DSCAML1: variants seen among roughly 807,000 people sequenced by gnomAD.
The protein encoded by DSCAML1 is DS cell adhesion molecule like 1, also known as cell adhesion molecule DSCAML1.
Under a neutral mutation model 200.5 loss-of-function variants are expected in DSCAML1, and 38 were observed. The ratio of observed to expected loss-of-function variants is 0.19; its 90% confidence interval spans 0.15 to 0.25. The LOEUF is 0.25. DSCAML1 is among the 10% of genes least tolerant of loss of function. The pLI is 1.00. For missense variants in DSCAML1, 2,223 were observed against 2,858.8 expected (o/e 0.78, Z 5.07); for synonymous variants, 1,215 against 1,165.0 (o/e 1.04, Z -0.87).
intron 3 of DSCAML1, among the ~76,000 whole-genome samples, chr11:117,743,882 C>T (rs1212655031): frequency 2.0e-5 from 3 of 152,160 alleles, no homozygotes; most frequent in Admixed American, 6.5e-5. Flanking sequence ...CACCCCACAC[C>T]GAGGAAAACT....
chr11:117,681,289 T>G (rs1028426189), intron 3 of DSCAML1, among the ~76,000 whole-genome samples: 3 of 152,220 alleles, frequency 2.0e-5, no homozygotes, highest in African/African-American at 7.2e-5. Flanking sequence ...CTGAACCCTC[T>G]TTAGAAATGC....
chr11:117,735,675 C>T (rs1239858900), intron 3 of DSCAML1, among the ~76,000 whole-genome samples: 2 of 152,202 alleles, frequency 1.3e-5, no homozygotes, highest in Admixed American at 6.5e-5. Flanking sequence ...TCTGCTCATA[C>T]AAAATGAAAG....
At chr11:117,561,450 G>A (rs76306798) in intron 3 of DSCAML1, among the ~76,000 whole-genome samples, 3,037 of 152,256 alleles carry the variant, frequency 0.02, 105 homozygotes, top group African/African-American at 0.07. Flanking sequence ...AGCTCTGTGC[G>A]GCTATGGGGA....
intron 27 of DSCAML1, among the ~76,000 whole-genome samples, chr11:117,435,140 T>C (rs904839402): frequency 2.6e-5 from 4 of 152,232 alleles, no homozygotes; most frequent in African/African-American, 9.6e-5. Context: ...CCATTCACAG[T>C]AGACTGTGGC....
At chr11:117,543,701 A>G (rs967690969) in intron 3 of DSCAML1, among the ~76,000 whole-genome samples, 1 of 151,794 alleles carries the variant, frequency 6.6e-6, no homozygotes, top group African/African-American at 2.4e-5. Context: ...GGGATTCTAA[A>G]CCCCGATTTT....
chr11:117,476,850 T>C (rs1163207061), intron 14 of DSCAML1, among the ~76,000 whole-genome samples: 1 of 152,076 alleles, frequency 6.6e-6, no homozygotes, highest in African/African-American at 2.4e-5. Flanking sequence ...CAAAGGCACA[T>C]TTGGGGCAAA....
chr11:117,469,938 G>A lies in DSCAML1; in HGVS notation c.2996C>T (p.Thr999Ile). The change falls in exon 16 of 33, where the codon ACC becomes ATC. Residue 999 changes from threonine to isoleucine, a missense_variant. This residue lies in a region of DSCAML1 where 438 missense variants were observed against 629.7 expected (regional missense o/e 0.70). Transcript: ENST00000651296. This position sits in a 1 kb window ranked among gnomAD's most constrained non-coding sequence, Gnocchi z 4.1. The part of the protein sequence containing the change: ...PPMDVTLQPV[T>I]SQSIQVTWKA... ...CCAGGTCACCTGGATGCTCTGTGAG[G>A]TCACTGGCTGCAAGGTAACATCCAT... 6.2e-7 allele frequency: 1 copy of A among 1,608,844 alleles called. No individual in the cohort carries two copies. Among genetic ancestry groups the A allele is most frequent in the Admixed American group, 1.7e-5 (1 of 59,912 alleles).
intron 3 of DSCAML1, among the ~76,000 whole-genome samples, chr11:117,690,656 C>G (rs1376336634): frequency 6.6e-6 from 1 of 152,246 alleles, no homozygotes; most frequent in African/African-American, 2.4e-5. Flanking sequence ...AGGAGCCCAG[C>G]CACCTCTGGA....
intron 1 of DSCAML1, among the ~76,000 whole-genome samples, chr11:117,795,572 G>T (rs2055556590): frequency 6.6e-6 from 1 of 152,072 alleles, no homozygotes. Context: ...GTAACCCGGG[G>T]GACCCCACTG....
chr11:117,768,162 G>T (rs145131591), intron 3 of DSCAML1, among the ~76,000 whole-genome samples: 1 of 152,098 alleles, frequency 6.6e-6, no homozygotes, highest in African/African-American at 2.4e-5. Context: ...TAGACACCCC[G>T]CAGTTTGTGG....
intron 3 of DSCAML1, among the ~76,000 whole-genome samples, chr11:117,560,532 A>G (rs1440543464): frequency 6.6e-6 from 1 of 152,196 alleles, no homozygotes; most frequent in Non-Finnish European, 1.5e-5. Context: ...AACTCACGGG[A>G]AAGCCAGACT....
chr11:117,678,478 C>G (rs2053256752), intron 3 of DSCAML1, among the ~76,000 whole-genome samples: 1 of 152,102 alleles, frequency 6.6e-6, no homozygotes, highest in Admixed American at 6.5e-5. Flanking sequence ...ACTAAACAAA[C>G]AAGAAAATAC....
At chr11:117,643,946 C>G (rs1223527233) in intron 3 of DSCAML1, among the ~76,000 whole-genome samples, 1 of 152,238 alleles carries the variant, frequency 6.6e-6, no homozygotes, top group Non-Finnish European at 1.5e-5. Context: ...CTGGAACGTT[C>G]AGCCCAAGCC....
At chr11:117,573,376 G>A (rs1368736933) in intron 3 of DSCAML1, among the ~76,000 whole-genome samples, 3 of 152,336 alleles carry the variant, frequency 2.0e-5, no homozygotes, top group East Asian at 1.9e-4. Context: ...TGCTGGGGCC[G>A]GCTGGGCAGG....
rs202136721 is a variant in DSCAML1 at position 117,428,390 on chromosome 11, C to A, written c.6100G>T (p.Gly2034Trp). 6 of 1,584,990 alleles carry A rather than the reference C, an allele frequency of 3.8e-6. No individual in the cohort carries two copies. The highest frequency in any genetic ancestry group is 3.9e-5 in the Admixed American group (2 of 51,312). The change falls in exon 33 of 33, where the codon GGG becomes TGG. Residue 2034 changes from glycine to tryptophan, a missense_variant. Physicochemically the swap from Gly to Trp is radical, Grantham distance 184 (BLOSUM62 -2). Around this residue, in one of 7 missense-constraint regions of DSCAML1, gnomAD observed 280 missense variants for 213.4 expected, o/e 1.31. Transcript: ENST00000651296. ...CCCTGCTTCTGAGACCTCCCTACCC[C>A]CGATGTGCTCATCTCGAGAAGCGAG... ...RDSLLEMSTS[G>W]VGRSQKQGAG...
chr11:117,715,371 C>T (rs1258478733), intron 3 of DSCAML1, among the ~76,000 whole-genome samples: 6 of 152,182 alleles, frequency 3.9e-5, no homozygotes, highest in African/African-American at 1.4e-4. Context: ...CCTCGACTCC[C>T]TTTGTACCCC....
chr11:117,727,694 C>A (rs916183344), intron 3 of DSCAML1, among the ~76,000 whole-genome samples: 17 of 152,132 alleles, frequency 1.1e-4, no homozygotes, highest in African/African-American at 4.1e-4. Context: ...GTTAAATAAC[C>A]AACCACAGGA....
chr11:117,797,628 G>A (rs920847875), upstream of DSCAML1, among the ~76,000 whole-genome samples: 1 of 149,934 alleles, frequency 6.7e-6, no homozygotes, highest in African/African-American at 2.5e-5. Flanking sequence ...GGACGCTCTG[G>A]GTAGAATCCC....
At chr11:117,526,134 G>A (rs952847096) in intron 4 of DSCAML1, among the ~76,000 whole-genome samples, 1 of 152,338 alleles carries the variant, frequency 6.6e-6, no homozygotes, top group African/African-American at 2.4e-5. Flanking sequence ...TCTCAGGCTC[G>A]TTCCCACCCT....
Sources: allele counts gnomAD v4.1 joint callset (sites outside exome capture counted in the v4.1 genomes callset), GRCh38; gene constraint gnomAD v4.1.1; regional missense constraint gnomAD v4.1.1; non-coding constraint Gnocchi (gnomAD v3.1); transcripts MANE v1.5; gene names NCBI Gene and HGNC (gene_info 2026-07-23, HGNC 2026-07-21).